DLGAP1: variants seen among roughly 807,000 people sequenced by gnomAD.
DLGAP1 encodes DLG associated protein 1.
A neutral mutation model predicts 90.8 loss-of-function variants in DLGAP1; 11 were observed. That is an observed-to-expected ratio of 0.12 (90% CI 0.08 to 0.20). The LOEUF is 0.20. Ranked by LOEUF, DLGAP1 falls within the 10% of genes least tolerant of loss-of-function variation. DLGAP1 has a pLI of 1.00. For missense variants in DLGAP1, 1,050 were observed against 1,333.8 expected, an observed-to-expected ratio of 0.79 and a Z score of 3.31; for synonymous variants, 558 against 540.7, an observed-to-expected ratio of 1.03 and a Z score of -0.44.
intron 4 of DLGAP1, among the ~76,000 whole-genome samples, chr18:3,844,435 G>T (rs967097887): frequency 5.3e-5 from 8 of 152,088 alleles, no homozygotes; most frequent in Non-Finnish European, 7.4e-5. Flanking sequence ...CAAAATCCCC[G>T]TATTAAACAC....
chr18:3,915,763 C>T lies in DLGAP1; in HGVS notation c.-72-35623G>A, dbSNP rs372501141. On this transcript the variant is annotated intron_variant, in intron 3 of 12. Transcript: ENST00000315677. ...GTTTTCCTTTTTGGGAGAATGTCAT[C>T]TCTCTGAAAACTTATTTTGAAACCT... is the stretch of plus-strand genomic sequence containing the variant. Among the ~76,000 whole-genome samples, 28 of 152,258 alleles carry T rather than the reference C, an allele frequency of 1.8e-4. No individual in the cohort carries two copies. The East Asian group carries it at 2.5e-3, about 14-fold the overall frequency.
At chr18:3,641,355 G>A (rs1791396) in intron 7 of DLGAP1, among the ~76,000 whole-genome samples, 23,139 of 151,582 alleles carry the variant, frequency 0.15, 2,354 homozygotes, top group African/African-American at 0.29. Flanking sequence ...TGACCAACAT[G>A]AGGAAATCCC....
chr18:3,549,101 T>G (rs763290270), intron 9 of DLGAP1, among the ~76,000 whole-genome samples: 14 of 152,212 alleles, frequency 9.2e-5, no homozygotes, highest in Non-Finnish European at 1.3e-4. Context: ...TTATCACAGT[T>G]ATATATGCAC....
intron 3 of DLGAP1, among the ~76,000 whole-genome samples, chr18:3,950,564 T>C (rs943506225): frequency 2.0e-5 from 3 of 152,230 alleles, no homozygotes; most frequent in African/African-American, 7.2e-5. Flanking sequence ...GAATAGCACA[T>C]GCTAAATACT....
At chr18:4,164,672 T>C (rs2076904010) in intron 1 of DLGAP1, among the ~76,000 whole-genome samples, 1 of 151,682 alleles carries the variant, frequency 6.6e-6, no homozygotes, top group Non-Finnish European at 1.5e-5. Context: ...AGAGAAAGAC[T>C]CTGTCTCAAA....
chr18:3,845,499 CACTT>C (rs2068956337), intron 4 of DLGAP1: 1 of 1,272,562 alleles, frequency 7.9e-7, no homozygotes, highest in African/African-American at 1.5e-5. Flanking sequence ...TGAAGAATAA[CACTT>C]AAGTGAATAC....
chr18:4,252,980 A>AT (rs2078814398), intron 1 of DLGAP1, among the ~76,000 whole-genome samples: 1 of 152,196 alleles, frequency 6.6e-6, no homozygotes. Context: ...TCAGCTAAAG[A>AT]TTTTTATCTA....
intron 1 of DLGAP1, among the ~76,000 whole-genome samples, chr18:4,189,898 T>C (rs1403535829): frequency 6.6e-6 from 1 of 152,100 alleles, no homozygotes; most frequent in Non-Finnish European, 1.5e-5. Context: ...AAAATGAATC[T>C]AGACACAGAC....
intron 5 of DLGAP1, among the ~76,000 whole-genome samples, chr18:3,778,720 CATGG>C (rs1480655577): frequency 6.6e-6 from 1 of 152,040 alleles, no homozygotes; most frequent in African/African-American, 2.4e-5. Context: ...AAAGGCTAGG[CATGG>C]ATACGGGAAA....
rs746503715 is a variant in DLGAP1, at chr18:3,742,395, T to C, written c.1290A>G (p.Thr430=). ...LDSLDPAGLL[T]SPKFRSRNES... ...CATTCCTGGAGCGGAACTTTGGTGA[T>C]GTGAGCAAGCCTGCAGGGTCCAGGC... Residue 430 remains threonine (T), a synonymous_variant, in exon 6 of 13, where the codon ACA becomes ACG. Coordinates refer to ENST00000315677, the MANE Select transcript of DLGAP1 (RefSeq NM_004746.4). 6.2e-7 allele frequency: 1 copy of C among 1,614,204 alleles called. No homozygotes were observed. Among genetic ancestry groups the C allele is most frequent in the Non-Finnish European group, 8.5e-7 (1 of 1,180,030 alleles).
intron 9 of DLGAP1, among the ~76,000 whole-genome samples, chr18:3,542,496 G>T (rs567135893): frequency 2.0e-5 from 3 of 152,198 alleles, no homozygotes; most frequent in Non-Finnish European, 4.4e-5. Context: ...ATTCCACTTG[G>T]ATGATCTCTA....
chr18:3,867,871 G>A (rs1235269779), intron 4 of DLGAP1, among the ~76,000 whole-genome samples: 2 of 152,146 alleles, frequency 1.3e-5, no homozygotes, highest in African/African-American at 4.8e-5. Context: ...TTGATGGCTT[G>A]TTCAGTTCAT....
In DLGAP1 at chr18:3,581,886, T is replaced by C; in HGVS notation, c.1954A>G (p.Ile652Val). 5 of 1,614,136 alleles carry C rather than the reference T, an allele frequency of 3.1e-6. No individual in the cohort carries two copies. Among genetic ancestry groups the C allele is most frequent in the Non-Finnish European group, 4.2e-6 (5 of 1,179,984 alleles). The change falls in exon 8 of 13, where the codon ATC (isoleucine) becomes GTC (valine). Residue 652 changes from isoleucine (I) to valine (V), a missense_variant. Coordinates refer to ENST00000315677, the MANE Select transcript of DLGAP1 (RefSeq NM_004746.4). ...DHFKKNRCLS[I>V]GIQVDDAEEP... Reference sequence around the variant, plus strand: ...AGGGAGGCTGTTACCTGTATCCCGATAGACAGGCATCGATTTTTCTTAAAG... The same window carrying C: ...AGGGAGGCTGTTACCTGTATCCCGACAGACAGGCATCGATTTTTCTTAAAG...
intron 2 of DLGAP1, among the ~76,000 whole-genome samples, chr18:4,007,944 T>A (rs1212447478): frequency 1.3e-5 from 2 of 152,186 alleles, no homozygotes; most frequent in African/African-American, 4.8e-5. Context: ...AGCTTCTTTT[T>A]CTGTCAATGG....
chr18:3,912,009 T>C (rs1173779271), intron 3 of DLGAP1, among the ~76,000 whole-genome samples: 2 of 152,178 alleles, frequency 1.3e-5, no homozygotes, highest in South Asian at 2.1e-4. Context: ...GAATCAAAAA[T>C]TGTGTTTTAG....
Position 4,367,133 on chromosome 18 carries a change from G to A in DLGAP1, c.-267+87873C>T, listed in dbSNP as rs572969617. Among the ~76,000 whole-genome samples, 6 of 150,174 alleles carry A rather than the reference G, an allele frequency of 4.0e-5. No individual in the cohort carries two copies. In the Admixed American group the frequency reaches 4.0e-4, roughly 10 times the overall value. On this transcript the variant is annotated intron_variant, in intron 1 of 12. Coordinates refer to ENST00000315677, the MANE Select transcript of DLGAP1 (RefSeq NM_004746.4). ...TTGCTGACCTAAATTATAAAGGACTGACTTCAAGACCATCAAGGAAACTAA... is the reference window on the plus strand; with the variant it reads ...TTGCTGACCTAAATTATAAAGGACTAACTTCAAGACCATCAAGGAAACTAA...
chr18:3,548,089 G>A (rs948807103), intron 9 of DLGAP1, among the ~76,000 whole-genome samples: 1 of 152,198 alleles, frequency 6.6e-6, no homozygotes, highest in Non-Finnish European at 1.5e-5. Flanking sequence ...CAGAGACTGG[G>A]AGGAGAAAGG....
intron 3 of DLGAP1, among the ~76,000 whole-genome samples, chr18:3,929,384 C>A (rs530886128): frequency 6.6e-6 from 1 of 152,332 alleles, no homozygotes. Context: ...ATTCTGACCA[C>A]TCCAGAAACA....
intron 1 of DLGAP1, among the ~76,000 whole-genome samples, chr18:4,169,707 T>C (rs939753891): frequency 1.3e-5 from 2 of 152,244 alleles, no homozygotes; most frequent in African/African-American, 4.8e-5. Context: ...AATACATCTT[T>C]AACGTTCTAC....
Sources: gnomAD v4.1 joint callset for allele counts (sites outside exome capture counted in the v4.1 genomes callset) on GRCh38, gnomAD v4.1.1 for gene constraint, MANE v1.5 for transcripts, NCBI Gene and HGNC (gene_info 2026-07-23, HGNC 2026-07-21) for gene names.